SLC4A4: variants seen among roughly 807,000 people sequenced by gnomAD.
SLC4A4 encodes solute carrier family 4 member 4, also known as electrogenic sodium bicarbonate cotransporter 1.
SLC4A4 carries 27 observed loss-of-function variants against 111.5 expected under a neutral mutation model. That is an observed-to-expected ratio of 0.24 (90% CI 0.18 to 0.33). The LOEUF is 0.33. Ranked by LOEUF, SLC4A4 falls within the 10% of genes least tolerant of loss-of-function variation. SLC4A4 has a pLI of 1.00. For synonymous variants in SLC4A4, 443 were observed against 463.4 expected, an observed-to-expected ratio of 0.96 and a Z score of 0.57; for missense variants, 909 against 1,315.5, an observed-to-expected ratio of 0.69 and a Z score of 4.78.
At chr4:71,499,543 T>C (rs977314730) in intron 16 of SLC4A4, among the ~76,000 whole-genome samples, 1 of 152,134 alleles carries the variant, frequency 6.6e-6, no homozygotes, top group Non-Finnish European at 1.5e-5. Flanking sequence ...AAAGACATAT[T>C]CCTCTTGTCT....
At chr4:71,261,892 T>C (rs1379048557) in intron 3 of SLC4A4, among the ~76,000 whole-genome samples, 1 of 152,196 alleles carries the variant, frequency 6.6e-6, no homozygotes, top group East Asian at 1.9e-4. Context: ...TCTAGTGTAC[T>C]CCACGTGCTG....
At chr4:71,509,955 C>T (rs1178342140) in intron 16 of SLC4A4, among the ~76,000 whole-genome samples, 1 of 152,148 alleles carries the variant, frequency 6.6e-6, no homozygotes, top group Admixed American at 6.5e-5. Flanking sequence ...GGACAGGATT[C>T]CCTCTAACAG....
chr4:71,425,783 C>G (rs1723067796), intron 7 of SLC4A4, among the ~76,000 whole-genome samples: 1 of 151,960 alleles, frequency 6.6e-6, no homozygotes, highest in South Asian at 2.1e-4. Context: ...ATCTAAAGAC[C>G]TAGAATCCAT....
chr4:71,408,922 G>C (rs1721113008), intron 7 of SLC4A4, among the ~76,000 whole-genome samples: 1 of 152,116 alleles, frequency 6.6e-6, no homozygotes, highest in South Asian at 2.1e-4. Context: ...TTGAATCATG[G>C]GGGCCAGTTT....
At chr4:71,226,733 C>A (rs1719072652) in intron 1 of SLC4A4, among the ~76,000 whole-genome samples, 1 of 152,022 alleles carries the variant, frequency 6.6e-6, no homozygotes, top group Admixed American at 6.6e-5. Context: ...GTTTGAAATA[C>A]ACATTCAGGG....
At chr4:71,225,966 A>G (rs1239479631) in intron 1 of SLC4A4, among the ~76,000 whole-genome samples, 1 of 152,246 alleles carries the variant, frequency 6.6e-6, no homozygotes, top group Non-Finnish European at 1.5e-5. Context: ...TACAATTTCT[A>G]GAGCTTAAGG....
At chr4:71,128,296 T>C (rs990871107) in intron 2 of SLC4A4, among the ~76,000 whole-genome samples, 3 of 151,994 alleles carry the variant, frequency 2.0e-5, no homozygotes, top group Admixed American at 6.6e-5. Flanking sequence ...TCATATCTCG[T>C]CAGATCTCGT....
chr4:71,422,494 A>G (rs571127498), intron 7 of SLC4A4, among the ~76,000 whole-genome samples: 26 of 152,274 alleles, frequency 1.7e-4, no homozygotes, highest in Non-Finnish European at 3.5e-4. Context: ...TTATGAGGCC[A>G]GCATCATCCT....
chr4:71,296,893 T>C (rs540336339), intron 3 of SLC4A4, among the ~76,000 whole-genome samples: 1 of 152,312 alleles, frequency 6.6e-6, no homozygotes, highest in African/African-American at 2.4e-5. Flanking sequence ...TATCCTTCAT[T>C]GGATATTAGT....
At chr4:71,186,243 G>T (rs1745445344), upstream of SLC4A4, among the ~76,000 whole-genome samples, 1 of 152,172 alleles carries the variant, frequency 6.6e-6, no homozygotes, top group Non-Finnish European at 1.5e-5. Flanking sequence ...AAGACAGAAA[G>T]GCATCAGTGA....
intron 18 of SLC4A4, among the ~76,000 whole-genome samples, chr4:71,536,485 T>TATATATATATATATATATAAAA (rs760037325): frequency 4.8e-5 from 4 of 84,024 alleles, no homozygotes; most frequent in African/African-American, 1.5e-4. Flanking sequence ...TATATATATA[T>TATATATATATATATATATAAAA]ATGTATATAT....
chr4:71,526,386 A>T (rs893802368), intron 16 of SLC4A4, among the ~76,000 whole-genome samples: 3 of 152,160 alleles, frequency 2.0e-5, no homozygotes, highest in African/African-American at 7.2e-5. Context: ...CCTGACTGTG[A>T]TTTTTAATGA....
chr4:71,175,607 G>A (rs1745067216), intron 2 of SLC4A4, among the ~76,000 whole-genome samples: 1 of 152,340 alleles, frequency 6.6e-6, no homozygotes, highest in South Asian at 2.1e-4. Context: ...AGATCAAACT[G>A]CAAGGTGGCA....
At chr4:71,176,134 G>A (rs1745087585) in intron 2 of SLC4A4, among the ~76,000 whole-genome samples, 1 of 152,154 alleles carries the variant, frequency 6.6e-6, no homozygotes, top group South Asian at 2.1e-4. Flanking sequence ...CTGTTAGAAG[G>A]AAAACGAACA....
intron 18 of SLC4A4, among the ~76,000 whole-genome samples, chr4:71,538,363 TA>T (rs1381852867): frequency 2.0e-5 from 3 of 152,124 alleles, no homozygotes; most frequent in African/African-American, 4.8e-5. Context: ...GTTGAATATA[TA>T]AAAAATAAGT....
intron 6 of SLC4A4, among the ~76,000 whole-genome samples, chr4:71,370,973 C>G (rs1365471194): frequency 6.6e-6 from 1 of 152,124 alleles, no homozygotes; most frequent in African/African-American, 2.4e-5. Flanking sequence ...GTGATGTAAT[C>G]TCTCCCTAAA....
intron 2 of SLC4A4, among the ~76,000 whole-genome samples, chr4:71,147,187 G>T (rs1434833402): frequency 2.0e-5 from 3 of 152,126 alleles, no homozygotes; most frequent in Non-Finnish European, 1.5e-5. Flanking sequence ...TTTTTTGAGA[G>T]AATTACACAG....
At chr4:71,109,135 T>G in intron 2 of SLC4A4, among the ~76,000 whole-genome samples, 1 of 150,800 alleles carries the variant, frequency 6.6e-6, no homozygotes, top group Non-Finnish European at 1.5e-5. Flanking sequence ...TTCCTCAGGG[T>G]TTGCTGTTTT....
intron 1 of SLC4A4, among the ~76,000 whole-genome samples, chr4:71,206,965 CTA>C (rs752201454): frequency 3.9e-5 from 6 of 152,120 alleles, no homozygotes; most frequent in Non-Finnish European, 8.8e-5. Context: ...TACTTTGCTA[CTA>C]TGACTGTGGT....
Sources: allele counts gnomAD v4.1 joint callset (sites outside exome capture counted in the v4.1 genomes callset), GRCh38; gene constraint gnomAD v4.1.1; transcripts MANE v1.5; gene names NCBI Gene and HGNC (gene_info 2026-07-23, HGNC 2026-07-21).